The following ACOT1 variants were observed in gnomAD, a reference collection of about 807,000 sequenced individuals.
The protein encoded by ACOT1 is acyl-coenzyme A thioesterase 1.
In ACOT1, 8 loss-of-function variants were observed where a neutral mutation model predicts 15.7. The observed-to-expected ratio is 0.51, with a 90% CI of 0.30 to 0.92. The LOEUF (loss-of-function observed/expected upper bound fraction) is 0.92. Among genes scored for constraint, ACOT1 ranks in the 40% least tolerant of loss-of-function variants. The pLI, the probability that ACOT1 is intolerant of heterozygous loss-of-function variation, is 0.06. For synonymous variants in ACOT1, 67 were observed against 241.2 expected (o/e 0.28, Z 6.69); for missense variants, 151 against 539.4 (o/e 0.28, Z 7.13).
At chr14:73,525,008 T>C in the ACOT1 span, among the ~76,000 whole-genome samples, 1 of 152,098 alleles carries the variant, frequency 6.6e-6, no homozygotes, top group African/African-American at 2.4e-5. Context: ...GGGCAAGTTC[T>C]TTTTTGTGTG....
At chr14:73,522,340 C>T in the ACOT1 span, 1 of 1,614,230 alleles carries the variant, frequency 6.2e-7, no homozygotes, top group Non-Finnish European at 8.5e-7. Context: ...CACTTTGATC[C>T]TCAAACTCTG....
At chr14:73,497,124 G>A in the ACOT1 span, among the ~76,000 whole-genome samples, 2 of 152,232 alleles carry the variant, frequency 1.3e-5, no homozygotes, top group African/African-American at 2.4e-5. Context: ...TAGAACTCCT[G>A]ACCTCAGGTG....
At chr14:73,508,977 C>G in the ACOT1 span, among the ~76,000 whole-genome samples, 1 of 151,928 alleles carries the variant, frequency 6.6e-6, no homozygotes, top group Non-Finnish European at 1.5e-5. Flanking sequence ...ATATATAGGT[C>G]TGCCTCAGCC....
At chr14:73,496,636 C>T in the ACOT1 span, 34 of 1,603,050 alleles carry the variant, frequency 2.1e-5, 1 homozygote, top group Middle Eastern at 6.6e-4. Context: ...TCTTGGTTTC[C>T]TTCATTTCCT....
At chr14:73,491,961 T>C in the ACOT1 span, 1 of 1,613,938 alleles carries the variant, frequency 6.2e-7, no homozygotes, top group Non-Finnish European at 8.5e-7. Flanking sequence ...TTGGCTGTGC[T>C]TCAAGAGCAG....
chr14:73,510,763 A>G, the ACOT1 span, among the ~76,000 whole-genome samples: 1,819 of 152,190 alleles, frequency 0.012, 31 homozygotes, highest in African/African-American at 0.038. Flanking sequence ...GGCTGTCTTG[A>G]GCATTCCACA....
chr14:73,528,417 T>TAAAA, the ACOT1 span, among the ~76,000 whole-genome samples: 4 of 116,400 alleles, frequency 3.4e-5, no homozygotes, highest in African/African-American at 1.0e-4. Flanking sequence ...AAAAAAAACT[T>TAAAA]AAGGAATAGT....
chr14:73,539,115 G>C lies in ACOT1; in HGVS notation c.457+1237G>C, dbSNP rs368566623. 4 of 114,482 alleles carry C rather than the reference G, an allele frequency of 3.5e-5. 1 individual carries two copies. The highest frequency in any genetic ancestry group is 1.1e-4 in the African/African-American group (4 of 35,150). The allele number at this position is 114,482 out of a possible 1,614,324, so 7.1% of individuals were successfully genotyped here. A position where few individuals can be genotyped will look rare whatever the true frequency, so the allele number is the denominator to read the frequency against. On this transcript the variant is annotated intron_variant, in intron 1 of 2. Coordinates refer to ENST00000311148, the MANE Select transcript of ACOT1 (RefSeq NM_001037161.2). ...GTTTTCTCACTGTATTTCCATGGCAGCTAGGAGGTGCCAGGTGGCTGGGCC... is the reference window on the plus strand; with the variant it reads ...GTTTTCTCACTGTATTTCCATGGCACCTAGGAGGTGCCAGGTGGCTGGGCC...
chr14:73,514,897 G>T, the ACOT1 span, among the ~76,000 whole-genome samples: 2 of 151,852 alleles, frequency 1.3e-5, no homozygotes, highest in Non-Finnish European at 2.9e-5. Context: ...TGAAAACCCC[G>T]TCTCTACTAA....
the ACOT1 span, chr14:73,520,455 C>A: frequency 6.2e-6 from 1 of 162,062 alleles, no homozygotes; most frequent in Non-Finnish European, 1.3e-5. Flanking sequence ...CCCAAATGTG[C>A]CTGACTCCAA....
chr14:73,494,787 C>T, the ACOT1 span, among the ~76,000 whole-genome samples: 1 of 152,092 alleles, frequency 6.6e-6, no homozygotes, highest in Non-Finnish European at 1.5e-5. Context: ...TTTTGAACTC[C>T]TGGCCTGGGG....
the ACOT1 span, among the ~76,000 whole-genome samples, chr14:73,516,804 A>G: frequency 3.9e-5 from 6 of 152,284 alleles, no homozygotes; most frequent in East Asian, 1.2e-3. Context: ...TGAACTGCAC[A>G]TGTGAGGGGT....
the ACOT1 span, among the ~76,000 whole-genome samples, chr14:73,503,970 A>C: frequency 2.6e-4 from 39 of 152,288 alleles, no homozygotes; most frequent in African/African-American, 7.2e-4. Context: ...ATTCTAAGTG[A>C]CAAGTGCCAA....
At chr14:73,491,219 G>A in the ACOT1 span, 1 of 1,594,544 alleles carries the variant, frequency 6.3e-7, no homozygotes, top group Non-Finnish European at 8.6e-7. Context: ...GGAATCGAGG[G>A]TGGAGTCGAC....
At chr14:73,513,529 C>T in the ACOT1 span, among the ~76,000 whole-genome samples, 1 of 151,670 alleles carries the variant, frequency 6.6e-6, no homozygotes, top group South Asian at 2.1e-4. Context: ...AGTTTGAGAC[C>T]ACTCTGGCCA....
chr14:73,509,317 A>G, the ACOT1 span: 2 of 1,613,980 alleles, frequency 1.2e-6, no homozygotes, highest in African/African-American at 2.7e-5. Context: ...CTCACCCTTC[A>G]GAAGGGCAGT....
chr14:73,525,671 G>T, the ACOT1 span, among the ~76,000 whole-genome samples: 3 of 152,156 alleles, frequency 2.0e-5, no homozygotes, highest in African/African-American at 7.2e-5. Context: ...AGCACCTTTA[G>T]GCCGGATGCG....
At chr14:73,506,545 C>T in the ACOT1 span, 1 of 1,613,660 alleles carries the variant, frequency 6.2e-7, no homozygotes, top group African/African-American at 1.3e-5. Context: ...TGTTCAGCTC[C>T]ACAGCAAGCA....
At chr14:73,501,569 CTTTTTTTTTTT>C in the ACOT1 span, among the ~76,000 whole-genome samples, 1 of 108,154 alleles carries the variant, frequency 9.2e-6, no homozygotes, top group Non-Finnish European at 1.9e-5. Flanking sequence ...GTCTCTCTCT[CTTTTTTTTTTT>C]TTTTTTTTTT....
Sources: allele counts gnomAD v4.1 joint callset (sites outside exome capture counted in the v4.1 genomes callset), GRCh38; gene constraint gnomAD v4.1.1; transcripts MANE v1.5; gene names NCBI Gene and HGNC (gene_info 2026-07-23, HGNC 2026-07-21).